The following TSHZ2 variants were observed in gnomAD, a reference collection of about 807,000 sequenced individuals.
The protein encoded by TSHZ2 is teashirt homolog 2.
TSHZ2 carries 21 observed loss-of-function variants against 74.4 expected under a neutral mutation model. The ratio of observed to expected loss-of-function variants is 0.28; its 90% confidence interval spans 0.20 to 0.41. The LOEUF (loss-of-function observed/expected upper bound fraction) is 0.41, where lower values mean the gene tolerates loss of function less well. Among genes scored for constraint, TSHZ2 ranks in the 10% least tolerant of loss-of-function variants. The pLI, the probability that TSHZ2 is intolerant of heterozygous loss-of-function variation, is 1.00. For missense variants in TSHZ2, 1,244 were observed against 1,293.5 expected (o/e 0.96, Z 0.59); for synonymous variants, 540 against 515.3 (o/e 1.05, Z -0.65).
At chr20:53,033,143 G>T (rs750611871) in intron 1 of TSHZ2, among the ~76,000 whole-genome samples, 3 of 152,156 alleles carry the variant, frequency 2.0e-5, no homozygotes, top group African/African-American at 7.2e-5. Context: ...TTCACAGCTG[G>T]TATTATTTTT....
At chr20:53,106,391 C>CTTTT (rs71194458) in intron 1 of TSHZ2, among the ~76,000 whole-genome samples, 1,514 of 59,048 alleles carry the variant, frequency 0.026, 313 homozygotes, top group East Asian at 0.079. Flanking sequence ...CTCACACTTT[C>CTTTT]TTTTTTTTTT....
intron 1 of TSHZ2, among the ~76,000 whole-genome samples, chr20:53,060,314 G>A (rs540877097): frequency 6.6e-6 from 1 of 152,258 alleles, no homozygotes; most frequent in South Asian, 2.1e-4. Flanking sequence ...AATGGCAAAG[G>A]TCTATGGCAA....
intron 2 of TSHZ2, among the ~76,000 whole-genome samples, chr20:53,406,141 CA>C (rs11477816): frequency 0.18 from 26,717 of 151,976 alleles, 2,751 homozygotes; most frequent in South Asian, 0.33. Flanking sequence ...AAGAGAGGAT[CA>C]GGGGGCACAG....
intron 1 of TSHZ2, among the ~76,000 whole-genome samples, chr20:52,993,700 T>G (rs1982071380): frequency 6.6e-6 from 1 of 152,212 alleles, no homozygotes; most frequent in Non-Finnish European, 1.5e-5. Context: ...CAATGGAAAC[T>G]TATAACCTTC....
At chr20:53,207,499 T>C (rs1989197703) in intron 1 of TSHZ2, among the ~76,000 whole-genome samples, 1 of 152,014 alleles carries the variant, frequency 6.6e-6, no homozygotes, top group African/African-American at 2.4e-5. Flanking sequence ...CAGCTGCCCA[T>C]CTTGCCCCTA....
rs1458183802 is a variant in TSHZ2 at position 53,074,179 on chromosome 20, G to GC, written c.40+100849dup. 1.3e-5 allele frequency among the ~76,000 whole-genome samples: 2 copies of GC among 152,150 alleles called. No individual in the cohort carries two copies. Among genetic ancestry groups the GC allele is most frequent in the Non-Finnish European group, 2.9e-5 (2 of 68,038 alleles). On this transcript the variant is annotated intron_variant, in intron 1 of 2. Transcript: ENST00000371497. The surrounding 1 kb of genome is among the most constrained non-coding windows in gnomAD (Gnocchi z 5.9). ...GTTCAAATGTCGCCTTCTCAATGGA[G>GC]CCCTCCTTGACCACTCCCTTGTGAA... is the stretch of plus-strand genomic sequence containing the variant.
chr20:53,024,207 A>C (rs1983353942), intron 1 of TSHZ2, among the ~76,000 whole-genome samples: 1 of 151,872 alleles, frequency 6.6e-6, no homozygotes, highest in Non-Finnish European at 1.5e-5. Context: ...TCTTATCTTA[A>C]AACTGTTGGA....
chr20:53,109,343 T>C (rs889080600), intron 1 of TSHZ2, among the ~76,000 whole-genome samples: 2 of 152,226 alleles, frequency 1.3e-5, no homozygotes, highest in Non-Finnish European at 2.9e-5. Flanking sequence ...ACCTATCATC[T>C]GTCTGTCGGT....
intron 1 of TSHZ2, among the ~76,000 whole-genome samples, chr20:53,096,651 G>T (rs143431717): frequency 1.3e-5 from 2 of 152,126 alleles, no homozygotes; most frequent in Non-Finnish European, 2.9e-5. Context: ...GGGAGGCCGA[G>T]GGGGGTGGAT....
At chr20:53,325,150 T>C (rs1979437876) in intron 2 of TSHZ2, among the ~76,000 whole-genome samples, 1 of 152,198 alleles carries the variant, frequency 6.6e-6, no homozygotes, top group Non-Finnish European at 1.5e-5. Context: ...AGCATTTTAT[T>C]TTTCTATGTT....
At chr20:52,975,090 A>G (rs1012574457) in intron 1 of TSHZ2, among the ~76,000 whole-genome samples, 2 of 152,154 alleles carry the variant, frequency 1.3e-5, no homozygotes, top group Non-Finnish European at 2.9e-5. Context: ...GGATGTGTTC[A>G]ATGGCCTTTG....
chr20:53,455,175 A>C (rs548915764), intron 2 of TSHZ2: 3 of 152,122 alleles, frequency 2.0e-5, no homozygotes, highest in Non-Finnish European at 2.9e-5. Flanking sequence ...ACCTAGACCA[A>C]ACCCCTGGCC....
intron 2 of TSHZ2, among the ~76,000 whole-genome samples, chr20:53,295,148 T>G (rs554038077): frequency 1.6e-4 from 24 of 152,352 alleles, no homozygotes; most frequent in Non-Finnish European, 3.1e-4. Flanking sequence ...CAACCCAGGT[T>G]CATGGATTGA....
At chr20:53,420,817 T>G (rs554854829) in intron 2 of TSHZ2, among the ~76,000 whole-genome samples, 83 of 152,306 alleles carry the variant, frequency 5.4e-4, no homozygotes, top group African/African-American at 1.9e-3. Context: ...TAATGCCTCA[T>G]GCTGTACACC....
At chr20:53,408,281 G>A (rs555789345) in intron 2 of TSHZ2, among the ~76,000 whole-genome samples, 1 of 152,272 alleles carries the variant, frequency 6.6e-6, no homozygotes, top group South Asian at 2.1e-4. Context: ...CCCAGCGTTC[G>A]ACACAGAGTC....
At chr20:53,272,772 A>G (rs1473016785) in intron 2 of TSHZ2, among the ~76,000 whole-genome samples, 1 of 152,228 alleles carries the variant, frequency 6.6e-6, no homozygotes, top group Non-Finnish European at 1.5e-5. Flanking sequence ...TGTCTATGCT[A>G]ACTCTTGGAG....
intron 1 of TSHZ2, among the ~76,000 whole-genome samples, chr20:53,233,239 C>T (rs945402696): frequency 2.0e-5 from 3 of 152,222 alleles, no homozygotes; most frequent in Admixed American, 2.0e-4. Context: ...CAGGCTCTGA[C>T]AAAATGCAGA....
At chr20:52,990,890 T>C (rs932724940) in intron 1 of TSHZ2, among the ~76,000 whole-genome samples, 4 of 152,152 alleles carry the variant, frequency 2.6e-5, no homozygotes, top group African/African-American at 9.7e-5. Context: ...GTTGGGTCTA[T>C]TACCTCTGCG....
chr20:53,426,165 G>T (rs77936907), intron 2 of TSHZ2, among the ~76,000 whole-genome samples: 3 of 152,068 alleles, frequency 2.0e-5, no homozygotes, highest in Admixed American at 6.6e-5. Context: ...GGTTGTTTAC[G>T]GTAGGAAGTA....
Sources: gnomAD v4.1 joint callset for allele counts (sites outside exome capture counted in the v4.1 genomes callset) on GRCh38, gnomAD v4.1.1 for gene constraint, Gnocchi (gnomAD v3.1) non-coding constraint, MANE v1.5 for transcripts, NCBI Gene and HGNC (gene_info 2026-07-23, HGNC 2026-07-21) for gene names.